Variants in CASP9 observed in about 807,000 individuals in gnomAD.
The protein encoded by CASP9 is caspase 9.
CASP9 carries 29 observed loss-of-function variants against 43.5 expected under a neutral mutation model. That is an observed-to-expected ratio of 0.67 (90% CI 0.50 to 0.91). The LOEUF (loss-of-function observed/expected upper bound fraction) is 0.91, where lower values mean the gene tolerates loss of function less well. CASP9 is among the 40% of genes least tolerant of loss of function. The pLI is 0.00. For missense variants in CASP9, 575 were observed against 537.4 expected, an observed-to-expected ratio of 1.07 and a Z score of -0.69; for synonymous variants, 206 against 211.9, an observed-to-expected ratio of 0.97 and a Z score of 0.24.
chr1:15,504,566 C>T, intron 6 of CASP9, 45 bp downstream of exon 6: 9 of 1,564,370 alleles, frequency 5.8e-6, no homozygotes, highest in Non-Finnish European at 7.8e-6. Context: ...GTGGCGGCTC[C>T]CTCCCCACCA....
chr1:15,502,595 GT>G (rs1709367019), intron 6 of CASP9, among the ~76,000 whole-genome samples: 1 of 152,200 alleles, frequency 6.6e-6, no homozygotes, highest in Non-Finnish European at 1.5e-5. Context: ...GGAAGGTGAA[GT>G]GGCAGGGGCC....
intron 2 of CASP9, among the ~76,000 whole-genome samples, chr1:15,516,485 A>G (rs374565897): frequency 3.7e-5 from 1 of 27,046 alleles, no homozygotes; most frequent in African/African-American, 2.9e-4. Flanking sequence ...CTCAATTAAA[A>G]AAAAAAAAAA....
chr1:15,517,982 C>G (rs1710017540), intron 2 of CASP9, 128 bp downstream of exon 2: 2 of 1,131,892 alleles, frequency 1.8e-6, no homozygotes, highest in South Asian at 3.0e-5. Context: ...ATTTTGCCAT[C>G]CCTATGAACA....
rs552314346 is a variant in CASP9 at position 15,523,710 on chromosome 1, ATTTC to A, written c.132+355_132+358del. 1.9e-3 allele frequency among the ~76,000 whole-genome samples: 284 copies of A among 152,260 alleles called. 1 individual carries two copies. The highest frequency in any genetic ancestry group is 3.0e-3 in the Non-Finnish European group (204 of 68,026). On this transcript the variant is annotated intron_variant, in intron 1 of 8. Transcript: ENST00000333868. ...TTTGTAACTGCAAACCAATCAAATA[ATTTC>A]TTTATTTTGCTTCCACATTTTCCCA...
At chr1:15,497,940 A>C (rs558696462) in intron 6 of CASP9, among the ~76,000 whole-genome samples, 1 of 152,380 alleles carries the variant, frequency 6.6e-6, no homozygotes, top group East Asian at 1.9e-4. Flanking sequence ...TACTGGCATA[A>C]AGACAGACAT....
chr1:15,524,264 C>T (rs1009631645), upstream of CASP9: 11 of 1,516,506 alleles, frequency 7.3e-6, no homozygotes, highest in Admixed American at 4.1e-5. Context: ...CCGCCCGCCC[C>T]AGTCCCCAGG....
At chr1:15,513,701 T>G (rs1378439735) in intron 2 of CASP9, among the ~76,000 whole-genome samples, 1 of 152,208 alleles carries the variant, frequency 6.6e-6, no homozygotes, top group Middle Eastern at 3.4e-3. Context: ...AACAGGTACT[T>G]AGTAAACATT....
chr1:15,515,880 A>T (rs1237036980), intron 2 of CASP9, among the ~76,000 whole-genome samples: 1 of 151,980 alleles, frequency 6.6e-6, no homozygotes, highest in African/African-American at 2.4e-5. Context: ...ACACGGTAAG[A>T]CCCTATCTCT....
upstream of CASP9, chr1:15,524,224 A>T (rs1225156439): frequency 1.1e-5 from 17 of 1,534,196 alleles, no homozygotes; most frequent in Admixed American, 3.9e-5. Context: ...CTAAGACTCC[A>T]GGCCGCCTCA....
intron 7 of CASP9, among the ~76,000 whole-genome samples, chr1:15,494,312 C>A (rs1460622468): frequency 1.3e-5 from 2 of 152,166 alleles, no homozygotes; most frequent in African/African-American, 4.8e-5. Context: ...CACCTGTAAT[C>A]CCAGCATTTT....
At chr1:15,524,401 G>A (rs1173185120), upstream of CASP9, 8 of 1,279,140 alleles carry the variant, frequency 6.3e-6, no homozygotes, top group African/African-American at 1.3e-4. Flanking sequence ...TCACCGCCCC[G>A]CCCTCAGGAC....
At chr1:15,493,817 A>G (rs2020901) in intron 8 of CASP9, 75 bp downstream of exon 8, 30,388 of 1,540,880 alleles carry the variant, frequency 0.02, 352 homozygotes, top group Non-Finnish European at 0.023. Flanking sequence ...TGCTCACCCC[A>G]AATCCCCAGC....
intron 2 of CASP9, among the ~76,000 whole-genome samples, chr1:15,511,227 T>C (rs1709740039): frequency 6.6e-6 from 1 of 152,170 alleles, no homozygotes; most frequent in African/African-American, 2.4e-5. Flanking sequence ...TTCAGTTGTT[T>C]TGGGTGATAA....
chr1:15,491,440 C>G lies in CASP9; in HGVS notation c.*1503G>C. 1 of 1,323,258 alleles carries G rather than the reference C, an allele frequency of 7.6e-7. No individual in the cohort carries two copies. The highest frequency in any genetic ancestry group is 1.5e-5 in the African/African-American group (1 of 67,604). The allele number at this position is 1,323,258 out of a possible 1,614,324, so 82.0% of individuals were successfully genotyped here. On this transcript the variant is annotated 3_prime_UTR_variant, in exon 9 of 9. Coordinates refer to ENST00000333868, the MANE Select transcript of CASP9 (RefSeq NM_001229.5). ...TTATTATTATTATTAATTCAGAAAT[C>G]CATCCTAACATCCAGGGCCCTAAGA...
intron 3 of CASP9, 103 bp downstream of exon 3, chr1:15,507,770 T>C (rs1709581427): frequency 9.0e-7 from 1 of 1,116,882 alleles, no homozygotes; most frequent in Admixed American, 1.7e-5. Context: ...TGCCTAGGGT[T>C]GGGTTCCCTG....
intron 1 of CASP9, among the ~76,000 whole-genome samples, chr1:15,519,182 G>C (rs1710082008): frequency 6.6e-6 from 1 of 151,094 alleles, no homozygotes; most frequent in African/African-American, 2.4e-5. Flanking sequence ...GCCATCGGTT[G>C]TTTTTTTGTT....
rs756945761 is a variant in CASP9 at position 15,495,330 on chromosome 1, C to A, written c.991G>T (p.Ala331Ser). The A allele has an allele frequency of 6.2e-7, 1 of 1,610,700 alleles. No individual in the cohort carries two copies. Among genetic ancestry groups the A allele is most frequent in the South Asian group, 1.1e-5 (1 of 90,416 alleles). ...EGLRTFDQLD[A>S]ISSLPTPSDI... Reference sequence around the variant, plus strand: ...CTGGGTGTGGGCAAACTAGATATGGCGTCCAGCTGGTCGAAGGTCCTCAAA... The same window carrying A: ...CTGGGTGTGGGCAAACTAGATATGGAGTCCAGCTGGTCGAAGGTCCTCAAA... Residue 331 changes from alanine (A) to serine (S), a missense_variant, in exon 7 of 9, where the codon GCC becomes TCC. Coordinates refer to ENST00000333868, the MANE Select transcript of CASP9 (RefSeq NM_001229.5).
rs1709169405 is a variant in CASP9, at chr1:15,497,835, T to C, written c.869-2383A>G. ...CACGAGAATCTCAAGGGACCCCAAA[T>C]AGACAAAACAATCTGGAAAAAGAGC... On this transcript the variant is annotated intron_variant, in intron 6 of 8. Coordinates refer to ENST00000333868, the MANE Select transcript of CASP9 (RefSeq NM_001229.5). Among the ~76,000 whole-genome samples, 6 of 151,956 alleles carry C rather than the reference T, an allele frequency of 3.9e-5. No homozygotes were observed. In the South Asian group the frequency reaches 1.0e-3, roughly 26 times the overall value.
chr1:15,516,814 T>C (rs1709968293), intron 2 of CASP9, among the ~76,000 whole-genome samples: 1 of 152,204 alleles, frequency 6.6e-6, no homozygotes, highest in Admixed American at 6.5e-5. Context: ...CAATGAGGTG[T>C]GTCCCACAAA....
Sources: gnomAD v4.1 joint callset for allele counts (sites outside exome capture counted in the v4.1 genomes callset) on GRCh38, gnomAD v4.1.1 for gene constraint, MANE v1.5 for transcripts, NCBI Gene and HGNC (gene_info 2026-07-23, HGNC 2026-07-21) for gene names.